MAP3K15: variants seen among roughly 807,000 people sequenced by gnomAD.
MAP3K15 encodes mitogen-activated protein kinase kinase kinase 15, also known as MAPK/ERK kinase kinase 15.
A neutral mutation model predicts 99.5 loss-of-function variants in MAP3K15; 124 were observed. The observed-to-expected ratio is 1.25, with a 90% confidence interval of 1.08 to 1.45. The LOEUF (loss-of-function observed/expected upper bound fraction) is 1.45. Ranked by LOEUF, MAP3K15 falls within the 40% of genes most tolerant of loss-of-function variation. The pLI, the probability that MAP3K15 is intolerant of heterozygous loss-of-function variation, is 0.00. For missense variants in MAP3K15, 1,242 were observed against 1,079.7 expected (o/e 1.15, Z -2.11); for synonymous variants, 494 against 439.6 (o/e 1.12, Z -1.55).
At chrX:19,419,463 G>A (rs2063764510) in intron 9 of MAP3K15, among the ~76,000 whole-genome samples, 1 of 110,131 alleles carries the variant, frequency 9.1e-6, no homozygotes, top group African/African-American at 3.3e-5. Flanking sequence ...TAATGGTAAA[G>A]GGATCAATTC....
At chrX:19,454,913 C>T (rs1227534124) in intron 6 of MAP3K15, among the ~76,000 whole-genome samples, 1 of 111,755 alleles carries the variant, frequency 8.9e-6, no homozygotes, top group Non-Finnish European at 1.9e-5. Context: ...ATCATGTTGG[C>T]GCTCAAAAAG....
At chrX:19,362,961 TG>T (rs2063304312) in intron 25 of MAP3K15, 111 bp from the exon 26 acceptor site, 1 of 454,894 alleles carries the variant, frequency 2.2e-6, no homozygotes, top group Non-Finnish European at 3.8e-6. Context: ...AAATGGAAAA[TG>T]GGACAAGTCT....
intron 13 of MAP3K15, among the ~76,000 whole-genome samples, chrX:19,402,495 A>G (rs1192969884): frequency 9.0e-6 from 1 of 110,882 alleles, no homozygotes; most frequent in Non-Finnish European, 1.9e-5. Flanking sequence ...AAATCAATAT[A>G]TATGTTCACC....
chrX:19,395,476 T>C (rs2063561772), intron 15 of MAP3K15, among the ~76,000 whole-genome samples: 1 of 112,030 alleles, frequency 8.9e-6, no homozygotes, highest in Non-Finnish European at 1.9e-5. Flanking sequence ...AATGAATGAC[T>C]GCTATTGTTA....
chrX:19,411,281 G>A (rs1466542064), intron 11 of MAP3K15, among the ~76,000 whole-genome samples: 1 of 112,157 alleles, frequency 8.9e-6, no homozygotes, highest in Non-Finnish European at 1.9e-5. Context: ...ATGTGACTGA[G>A]CATTTGGCTC....
chrX:19,476,380 G>A (rs2064243332), intron 3 of MAP3K15, among the ~76,000 whole-genome samples: 1 of 111,872 alleles, frequency 8.9e-6, no homozygotes, highest in South Asian at 3.7e-4. Flanking sequence ...ACAGAAGATT[G>A]TTCCCAGGAA....
chrX:19,431,914 A>AT (rs2063885987), intron 6 of MAP3K15, among the ~76,000 whole-genome samples: 2 of 106,971 alleles, frequency 1.9e-5, no homozygotes, highest in Non-Finnish European at 3.8e-5. Flanking sequence ...ACTGTACTCC[A>AT]GTCTGGGCGA....
rs755365812 is a variant in MAP3K15, at chrX:19,373,633, T to C, written c.2836A>G (p.Ser946Gly). The C allele has an allele frequency of 1.7e-6, 2 of 1,199,451 alleles. No individual in the cohort carries two copies. The change falls in exon 21 of 29, where the codon AGC becomes GGC. Residue 946 changes from serine (S) to glycine (G), a missense_variant. Coordinates refer to ENST00000338883, the MANE Select transcript of MAP3K15 (RefSeq NM_001001671.4). ...TCTGGGGAGACAGAGCCGTGCTCGC[T>C]GCTGCTGGTGGCCATGGGCTCTCCC... Reference protein sequence around the residue: ...TQGEPMATSSSEHGSVSPDSD... With the variant: ...TQGEPMATSSGEHGSVSPDSD...
intron 18 of MAP3K15, among the ~76,000 whole-genome samples, chrX:19,390,043 T>C (rs758512061): frequency 8.9e-6 from 1 of 111,842 alleles, no homozygotes; most frequent in South Asian, 3.7e-4. Context: ...GTACCTCCCC[T>C]TGTGTTACAA....
At chrX:19,477,035 C>A (rs2064247640) in intron 3 of MAP3K15, among the ~76,000 whole-genome samples, 1 of 111,878 alleles carries the variant, frequency 8.9e-6, no homozygotes, top group Non-Finnish European at 1.9e-5. Flanking sequence ...CTGAAATATC[C>A]TTAAATAAAG....
rs2063704918 is a variant in MAP3K15 at position 19,413,384 on chromosome X, A to G, written c.1671T>C (p.Ser557=). The G allele has an allele frequency of 1.7e-6, 2 of 1,203,672 alleles. No individual in the cohort carries two copies. Among genetic ancestry groups the G allele is most frequent in the Non-Finnish European group, 2.2e-6 (2 of 891,523 alleles). The change falls in exon 11 of 29, where the codon TCT becomes TCC. Residue 557 remains serine, a synonymous_variant. Coordinates refer to ENST00000338883, the MANE Select transcript of MAP3K15 (RefSeq NM_001001671.4). ...TTTCTGTGGGTGAGACATGCCATAA[A>G]GAAACTGTTCTCTCCTCGGCTTCAT... is the stretch of plus-strand genomic sequence containing the variant. ...INNEAEERTV[S]LWHVSPTEMK...
chrX:19,457,067 T>C, intron 5 of MAP3K15, 48 bp from the exon 6 acceptor site: 1 of 930,525 alleles, frequency 1.1e-6, no homozygotes, highest in Non-Finnish European at 1.5e-6. Context: ...ACACAGCTCT[T>C]CACTGATTTT....
At chrX:19,370,071 C>T (rs1270510886) in intron 24 of MAP3K15, among the ~76,000 whole-genome samples, 3 of 111,542 alleles carry the variant, frequency 2.7e-5, no homozygotes, top group East Asian at 2.8e-4. Flanking sequence ...ACAGTGCATT[C>T]GGGAGGGTGG....
At chrX:19,508,613 T>C (rs186949193) in intron 1 of MAP3K15, among the ~76,000 whole-genome samples, 94 of 112,091 alleles carry the variant, frequency 8.4e-4, no homozygotes, top group African/African-American at 3.0e-3. Context: ...CCGGGGGTGG[T>C]GGTTCACGCC....
chrX:19,449,418 C>T (rs182654140), intron 6 of MAP3K15, among the ~76,000 whole-genome samples: 1 of 109,715 alleles, frequency 9.1e-6, no homozygotes, highest in East Asian at 2.8e-4. Flanking sequence ...TTTTTCTATA[C>T]CTCAAATGCC....
At chrX:19,421,662 G>A (rs1407713692) in intron 9 of MAP3K15, among the ~76,000 whole-genome samples, 7 of 92,118 alleles carry the variant, frequency 7.6e-5, no homozygotes, top group Non-Finnish European at 1.4e-4. Flanking sequence ...CTTTCTTCAT[G>A]GAATTGGAAA....
intron 1 of MAP3K15, among the ~76,000 whole-genome samples, chrX:19,491,983 G>A (rs1037805019): frequency 9.3e-6 from 1 of 107,146 alleles, no homozygotes; most frequent in Non-Finnish European, 1.9e-5. Flanking sequence ...ACTGCACCTG[G>A]CTACTTTTTT....
intron 13 of MAP3K15, among the ~76,000 whole-genome samples, 167 bp downstream of exon 13, chrX:19,407,021 C>T (rs1357153807): frequency 8.9e-6 from 1 of 112,248 alleles, no homozygotes; most frequent in Non-Finnish European, 1.9e-5. Context: ...TTTTAAATGG[C>T]TGAATTACCT....
At chrX:19,512,367 A>G (rs966250368) in intron 1 of MAP3K15, among the ~76,000 whole-genome samples, 13 of 112,079 alleles carry the variant, frequency 1.2e-4, no homozygotes, top group African/African-American at 4.2e-4. Context: ...CCCCTCCCCC[A>G]CAAGCCTTTT....
Sources: gnomAD v4.1 joint callset for allele counts (sites outside exome capture counted in the v4.1 genomes callset) on GRCh38, gnomAD v4.1.1 for gene constraint, MANE v1.5 for transcripts, NCBI Gene and HGNC (gene_info 2026-07-23, HGNC 2026-07-21) for gene names.